Variants in RPTOR observed in about 807,000 individuals in gnomAD.
RPTOR encodes the protein regulatory-associated protein of mTOR.
RPTOR carries 21 observed loss-of-function variants against 169.9 expected under a neutral mutation model. The ratio of observed to expected loss-of-function variants is 0.12; its 90% CI spans 0.09 to 0.18. RPTOR has a LOEUF of 0.18. Among genes scored for constraint, RPTOR ranks in the 10% least tolerant of loss-of-function variants. The pLI is 1.00. For synonymous variants in RPTOR, 732 were observed against 753.2 expected (o/e 0.97, Z 0.46); for missense variants, 1,133 against 1,855.9 (o/e 0.61, Z 7.16).
rs147961826 is a variant in RPTOR, at chr17:80,570,444, T to C, written c.162+24653T>C. Among the ~76,000 whole-genome samples, 470 of 152,052 alleles carry C rather than the reference T, an allele frequency of 3.1e-3. 1 individual carries two copies. The highest frequency in any genetic ancestry group is 0.011 in the African/African-American group (452 of 41,486). ...TTATTAAGTAGGTTAGAGTAGCTGA[T>C]GGTTGATTTTTTTATTTTTATTTTT... On this transcript the variant is annotated intron_variant, in intron 1 of 33. Coordinates refer to ENST00000306801, the MANE Select transcript of RPTOR (RefSeq NM_020761.3).
intron 1 of RPTOR, among the ~76,000 whole-genome samples, chr17:80,617,886 C>A (rs944756042): frequency 6.6e-6 from 1 of 152,162 alleles, no homozygotes; most frequent in Non-Finnish European, 1.5e-5. Context: ...TTCACACACC[C>A]GCACCAGGGC....
chr17:80,838,761 G>C (rs1280112271), intron 10 of RPTOR, among the ~76,000 whole-genome samples: 1 of 152,142 alleles, frequency 6.6e-6, no homozygotes, highest in African/African-American at 2.4e-5. Flanking sequence ...CCTCCCGTTG[G>C]GGCCACACCT....
At position 80,845,743 on chromosome 17, in the gene RPTOR, C is replaced by G. The variant is rs533678849; in HGVS notation, c.1213-730C>G. Reference sequence around the variant, plus strand: ...AGCCACCACCTGTCTGTCTTGTTCCCCTTTGCAACCAAAACCAAATTCACC... The same window carrying G: ...AGCCACCACCTGTCTGTCTTGTTCCGCTTTGCAACCAAAACCAAATTCACC... On this transcript the variant is annotated intron_variant, in intron 10 of 33. Transcript: ENST00000306801. The surrounding 1 kb of genome is among the most constrained non-coding windows in gnomAD (Gnocchi z 5.4). Among the ~76,000 whole-genome samples the G allele has an allele frequency of 6.6e-6, 1 of 152,232 alleles. No homozygotes were observed. The highest frequency in any genetic ancestry group is 2.4e-5 in the African/African-American group (1 of 41,458).
At chr17:80,704,589 C>T (rs1673931378) in intron 3 of RPTOR, among the ~76,000 whole-genome samples, 1 of 152,218 alleles carries the variant, frequency 6.6e-6, no homozygotes, top group South Asian at 2.1e-4. Context: ...CAGTGACTTA[C>T]ACCACTTCAA....
rs143130147 is a variant in RPTOR at position 80,709,385 on chromosome 17, G to A, written c.507+1386G>A. Among the ~76,000 whole-genome samples the A allele has an allele frequency of 1.6e-4, 25 of 152,292 alleles. No homozygotes were observed. In the East Asian group the frequency reaches 4.8e-3, roughly 29 times the overall value. The stretch of plus-strand genomic sequence containing the variant: ...AGTGAATTTGAATTTGTCCTTCCCT[G>A]GCTCTCCTCTGTGGAGCCCCCGGTG... On this transcript the variant is annotated intron_variant, in intron 4 of 33. Transcript: ENST00000306801.
chr17:80,844,435 G>A lies in RPTOR; in HGVS notation c.1213-2038G>A, dbSNP rs1043685353. On this transcript the variant is annotated intron_variant, in intron 10 of 33. Coordinates refer to ENST00000306801, the MANE Select transcript of RPTOR (RefSeq NM_020761.3). This position sits in a 1 kb window ranked among gnomAD's most constrained non-coding sequence, Gnocchi z 4.7. Reference sequence around the variant, plus strand: ...TAACTATCTGAATTACCTGACTTCTGTTCACAGACTCAAGCCTTCTCTAAC... The same window carrying A: ...TAACTATCTGAATTACCTGACTTCTATTCACAGACTCAAGCCTTCTCTAAC... 1.3e-5 allele frequency among the ~76,000 whole-genome samples: 2 copies of A among 152,202 alleles called. No individual in the cohort carries two copies. The highest frequency in any genetic ancestry group is 4.8e-5 in the African/African-American group (2 of 41,454).
intron 1 of RPTOR, among the ~76,000 whole-genome samples, chr17:80,613,781 A>G (rs1340169314): frequency 6.8e-6 from 1 of 147,360 alleles, no homozygotes; most frequent in East Asian, 2.0e-4. Flanking sequence ...GTGGTGTTGG[A>G]CTCGGGCTGG....
At chr17:80,773,903 A>G (rs2066868283) in intron 6 of RPTOR, 1 of 984,290 alleles carries the variant, frequency 1.0e-6, no homozygotes, top group Non-Finnish European at 1.2e-6. Context: ...GATTCCCTCC[A>G]GACAGCTCCC....
At chr17:80,656,864 C>T (rs1183124024) in intron 3 of RPTOR, among the ~76,000 whole-genome samples, 2 of 152,188 alleles carry the variant, frequency 1.3e-5, no homozygotes, top group Admixed American at 6.5e-5. Context: ...TTCCTCTGTC[C>T]GGAACACTTG....
chr17:80,808,543 C>A (rs1299098942), intron 7 of RPTOR, among the ~76,000 whole-genome samples: 1 of 152,194 alleles, frequency 6.6e-6, no homozygotes, highest in African/African-American at 2.4e-5. Flanking sequence ...AATCAGCGTT[C>A]TTGAGGTGCA....
chr17:80,839,623 C>T (rs2067605125), intron 10 of RPTOR, among the ~76,000 whole-genome samples: 1 of 152,226 alleles, frequency 6.6e-6, no homozygotes, highest in African/African-American at 2.4e-5. Flanking sequence ...CAGACGCCAG[C>T]TGTCCACCCT....
chr17:80,724,016 C>A (rs550848243), intron 4 of RPTOR, among the ~76,000 whole-genome samples: 17 of 151,284 alleles, frequency 1.1e-4, no homozygotes, highest in Non-Finnish European at 2.1e-4. Flanking sequence ...CAAGAGGTAA[C>A]TTATGTTTGT....
chr17:80,794,967 G>A (rs977875807), intron 7 of RPTOR, among the ~76,000 whole-genome samples: 4 of 152,200 alleles, frequency 2.6e-5, no homozygotes, highest in African/African-American at 9.7e-5. Context: ...TGATGCTGGT[G>A]TGGTTCCACA....
chr17:80,745,303 T>G (rs1458798227), intron 5 of RPTOR, among the ~76,000 whole-genome samples: 1 of 152,094 alleles, frequency 6.6e-6, no homozygotes, highest in Non-Finnish European at 1.5e-5. Flanking sequence ...GAACTCGGGG[T>G]AACTGTGACA....
At chr17:80,551,465 C>T (rs866432191) in intron 1 of RPTOR, among the ~76,000 whole-genome samples, 6 of 151,910 alleles carry the variant, frequency 3.9e-5, no homozygotes, top group Admixed American at 2.0e-4. Context: ...CAGACAAACA[C>T]GTGAACAAGG....
intron 13 of RPTOR, among the ~76,000 whole-genome samples, chr17:80,865,531 A>G (rs1430862458): frequency 1.3e-5 from 2 of 152,198 alleles, no homozygotes; most frequent in Non-Finnish European, 1.5e-5. Context: ...GTTTGGGAGC[A>G]GAGAACGTTG....
intron 24 of RPTOR, among the ~76,000 whole-genome samples, chr17:80,930,344 TCAGCTCATCCC>T (rs2068871776): frequency 4.8e-4 from 5 of 10,404 alleles, no homozygotes; most frequent in Non-Finnish European, 7.5e-4. Flanking sequence ...CAGCTCATCC[TCAGCTCATCCC>T]CAGCTCATCC....
At chr17:80,657,343 C>T (rs985176525) in intron 3 of RPTOR, among the ~76,000 whole-genome samples, 2 of 152,134 alleles carry the variant, frequency 1.3e-5, no homozygotes, top group Admixed American at 1.3e-4. Context: ...CAGCACCTCT[C>T]CCTGCTGAGT....
In RPTOR at chr17:80,837,968, A is replaced by T; in HGVS notation, c.1183A>T (p.Thr395Ser). 1 of 1,611,934 alleles carries T rather than the reference A, an allele frequency of 6.2e-7. No individual in the cohort carries two copies. The highest frequency in any genetic ancestry group is 8.5e-7 in the Non-Finnish European group (1 of 1,179,102). Reference sequence around the variant, plus strand: ...TGACATCTGTCTGTCTCAGCTGCCGACGATCATCGAGGAAGGCACTGCGTT... The same window carrying T: ...TGACATCTGTCTGTCTCAGCTGCCGTCGATCATCGAGGAAGGCACTGCGTT... ...AVDICLSQLP[T>S]IIEEGTAFRH... Residue 395 changes from threonine to serine, a missense_variant, in exon 10 of 34, where the codon ACG (threonine) becomes TCG (serine). Thr to Ser is a moderately conservative substitution (Grantham distance 58). Transcript: ENST00000306801.
Sources: gnomAD v4.1 joint callset for allele counts (sites outside exome capture counted in the v4.1 genomes callset) on GRCh38, gnomAD v4.1.1 for gene constraint, Gnocchi (gnomAD v3.1) non-coding constraint, MANE v1.5 for transcripts, NCBI Gene and HGNC (gene_info 2026-07-23, HGNC 2026-07-21) for gene names.